Variants in PALD1 observed in about 807,000 individuals in gnomAD.
PALD1 encodes the protein paladin.
A neutral mutation model predicts 96.0 loss-of-function variants in PALD1; 57 were observed. The ratio of observed to expected loss-of-function variants is 0.59; its 90% CI spans 0.48 to 0.74. The LOEUF (loss-of-function observed/expected upper bound fraction) is 0.74. Ranked by LOEUF, PALD1 falls within the 30% of genes least tolerant of loss-of-function variation. PALD1 has a pLI of 0.00. For missense variants in PALD1, 1,063 were observed against 1,143.7 expected (o/e 0.93, Z 1.02); for synonymous variants, 464 against 473.6 (o/e 0.98, Z 0.26).
intron 1 of PALD1, among the ~76,000 whole-genome samples, chr10:70,515,640 T>C (rs1454661541): frequency 6.6e-6 from 1 of 152,210 alleles, no homozygotes; most frequent in African/African-American, 2.4e-5. Context: ...GTTGGAGCCC[T>C]CGCTGTGCTG....
intron 18 of PALD1, among the ~76,000 whole-genome samples, chr10:70,554,789 A>T (rs1847558781): frequency 6.6e-6 from 1 of 151,726 alleles, no homozygotes; most frequent in African/African-American, 2.4e-5. Flanking sequence ...GAGTTTGAAG[A>T]ACAGCTGAGG....
At chr10:70,513,367 C>T (rs1404321020) in intron 1 of PALD1, among the ~76,000 whole-genome samples, 1 of 152,058 alleles carries the variant, frequency 6.6e-6, no homozygotes, top group African/African-American at 2.4e-5. Flanking sequence ...AAAAAATTAG[C>T]CAGGAGTGGT....
rs146308944 is a variant in PALD1, at chr10:70,544,346, G to A, written c.2121+2812G>A. On this transcript the variant is annotated intron_variant, in intron 17 of 19. Transcript: ENST00000263563. ...GGGAAGCAGGCAGGACTGAGGGGTG[G>A]GGGCCCATATTGTGAAGGCCCTGGA... Among the ~76,000 whole-genome samples the A allele has an allele frequency of 8.7e-3, 1,323 of 152,222 alleles. 19 individuals are homozygous for A. Among genetic ancestry groups the A allele is most frequent in the African/African-American group, 0.03 (1,263 of 41,498 alleles).
chr10:70,493,372 C>T (rs1285701655), intron 1 of PALD1, among the ~76,000 whole-genome samples: 1 of 152,262 alleles, frequency 6.6e-6, no homozygotes, highest in Admixed American at 6.5e-5. Context: ...GCAGCCCAGC[C>T]ATGGCCACAG....
chr10:70,460,657 C>A, the PALD1 span, among the ~76,000 whole-genome samples: 1 of 152,208 alleles, frequency 6.6e-6, no homozygotes, highest in Non-Finnish European at 1.5e-5. Context: ...GGCCTCCCTG[C>A]CTCCACCCTG....
chr10:70,566,295 C>G (rs1323112555), intron 19 of PALD1, among the ~76,000 whole-genome samples: 2 of 152,250 alleles, frequency 1.3e-5, no homozygotes, highest in African/African-American at 2.4e-5. Context: ...TCGAGCTGCA[C>G]AGGGCCCAGT....
Position 70,498,928 on chromosome 10 carries a change from CAG to C in PALD1, c.-30+19871_-30+19872del, listed in dbSNP as rs745915265. Among the ~76,000 whole-genome samples the C allele has an allele frequency of 2.5e-3, 312 of 125,298 alleles. 2 individuals carry two copies. Among genetic ancestry groups the C allele is most frequent in the African/African-American group, 6.0e-3 (203 of 33,560 alleles). The allele number at this position is 125,298 out of a possible 152,430, so 82.2% of individuals were successfully genotyped here. On this transcript the variant is annotated intron_variant, in intron 1 of 19. Transcript: ENST00000263563. ...GGGCAACAAGAGCAAAACTTTATCTCAGAAAAAAAAAAAAAGGTATCATACGT... is the reference window on the plus strand; with the variant it reads ...GGGCAACAAGAGCAAAACTTTATCTCAAAAAAAAAAAAAGGTATCATACGT...
chr10:70,507,700 G>T (rs1193739162), intron 1 of PALD1, among the ~76,000 whole-genome samples: 1 of 151,938 alleles, frequency 6.6e-6, no homozygotes, highest in East Asian at 1.9e-4. Flanking sequence ...GGGACCATAG[G>T]TGCATACCAC....
intron 1 of PALD1, among the ~76,000 whole-genome samples, chr10:70,483,199 G>T (rs1353962967): frequency 6.6e-6 from 1 of 152,088 alleles, no homozygotes; most frequent in Non-Finnish European, 1.5e-5. Context: ...GGATGGCCAG[G>T]AGTTTGCAAA....
the PALD1 span, among the ~76,000 whole-genome samples, chr10:70,461,113 C>G: frequency 6.6e-6 from 1 of 152,258 alleles, no homozygotes; most frequent in Admixed American, 6.5e-5. Context: ...CCTCAGCCCT[C>G]TGGCTCATTG....
At chr10:70,461,283 T>C in the PALD1 span, among the ~76,000 whole-genome samples, 1 of 152,222 alleles carries the variant, frequency 6.6e-6, no homozygotes, top group African/African-American at 2.4e-5. Flanking sequence ...GCTTAAGGGA[T>C]GACCTCCTTG....
intron 4 of PALD1, among the ~76,000 whole-genome samples, 198 bp from the exon 5 acceptor site, chr10:70,531,092 G>A (rs928007079): frequency 3.3e-5 from 5 of 152,184 alleles, no homozygotes; most frequent in Non-Finnish European, 5.9e-5. Context: ...GGAGGCAGGG[G>A]TCACTGCTGA....
chr10:70,521,514 C>T (rs1846735828), intron 1 of PALD1, among the ~76,000 whole-genome samples: 1 of 152,056 alleles, frequency 6.6e-6, no homozygotes. Flanking sequence ...GAATGTTCTT[C>T]CCTTAAAGCA....
rs749961313 is a variant in PALD1, at chr10:70,533,088, G to A, written c.870+18G>A. 1.2e-5 allele frequency: 18 copies of A among 1,560,674 alleles called. No individual in the cohort carries two copies. The highest frequency in any genetic ancestry group is 2.7e-5 in the African/African-American group (2 of 73,594). On this transcript the variant is annotated intron_variant, in intron 7 of 19. Transcript: ENST00000263563. ...TTCTCCGGGTAACTGGGGCACGGGC[G>A]CGCATGGGGGAGGAGTCTTGAGAGT... is the stretch of plus-strand genomic sequence containing the variant.
chr10:70,485,794 AG>A (rs1437645749), intron 1 of PALD1: 1 of 155,814 alleles, frequency 6.4e-6, no homozygotes, highest in African/African-American at 2.4e-5. Flanking sequence ...CACAAATTGA[AG>A]TCCAATAAAA....
chr10:70,484,382 A>G (rs1276361069), intron 1 of PALD1, among the ~76,000 whole-genome samples: 1 of 152,248 alleles, frequency 6.6e-6, no homozygotes, highest in African/African-American at 2.4e-5. Context: ...TTGATACTAC[A>G]TGATTCAATA....
At chr10:70,565,292 G>C (rs915043543) in intron 19 of PALD1, among the ~76,000 whole-genome samples, 4 of 152,200 alleles carry the variant, frequency 2.6e-5, no homozygotes, top group African/African-American at 9.7e-5. Flanking sequence ...GATCCTCTCT[G>C]TTTGGCCTCC....
chr10:70,516,965 A>T (rs773275836), intron 1 of PALD1, among the ~76,000 whole-genome samples: 1 of 152,066 alleles, frequency 6.6e-6, no homozygotes, highest in Non-Finnish European at 1.5e-5. Context: ...TGGACCAGCC[A>T]GATTTCCAGG....
At chr10:70,527,184 G>A (rs1421771780) in intron 2 of PALD1, among the ~76,000 whole-genome samples, 1 of 152,200 alleles carries the variant, frequency 6.6e-6, no homozygotes, top group Non-Finnish European at 1.5e-5. Context: ...CTGTGACCTT[G>A]CACAAGTTCC....
Sources: allele counts gnomAD v4.1 joint callset (sites outside exome capture counted in the v4.1 genomes callset), GRCh38; gene constraint gnomAD v4.1.1; transcripts MANE v1.5; gene names NCBI Gene and HGNC (gene_info 2026-07-23, HGNC 2026-07-21).